The following IQCH variants were observed in gnomAD, a reference collection of about 807,000 sequenced individuals.
IQCH encodes the protein IQ motif containing H, also known as IQ domain-containing protein H.
Under a neutral mutation model 117.0 loss-of-function variants are expected in IQCH, and 98 were observed. The ratio of observed to expected loss-of-function variants is 0.84; its 90% CI spans 0.71 to 0.99. The LOEUF (loss-of-function observed/expected upper bound fraction) is 0.99. Ranked by LOEUF, IQCH falls within the 50% of genes least tolerant of loss-of-function variation. The pLI, the probability that IQCH is intolerant of heterozygous loss-of-function variation, is 0.00. For missense variants in IQCH, 1,102 were observed against 1,243.8 expected, an observed-to-expected ratio of 0.89 and a Z score of 1.72; for synonymous variants, 412 against 448.2, an observed-to-expected ratio of 0.92 and a Z score of 1.02.
intron 16 of IQCH, among the ~76,000 whole-genome samples, chr15:67,461,389 G>T (rs796646206): frequency 6.6e-6 from 1 of 152,162 alleles, no homozygotes; most frequent in African/African-American, 2.4e-5. Context: ...CTGGAATTGC[G>T]AATGCACCCT....
Position 67,391,985 on chromosome 15 carries a change from A to G in IQCH, c.1632+2979A>G, listed in dbSNP as rs957281895. On this transcript the variant is annotated intron_variant, in intron 12 of 20. Transcript: ENST00000335894. This position sits in a 1 kb window ranked among gnomAD's most constrained non-coding sequence, Gnocchi z 4.3. ...ATCTGCCATCCCCCTTCACATCTCA[A>G]AAACCCACCAGATCTTTACTACTCA... 6.6e-6 allele frequency among the ~76,000 whole-genome samples: 1 copy of G among 152,162 alleles called. No homozygotes were observed. Among genetic ancestry groups the G allele is most frequent in the African/African-American group, 2.4e-5 (1 of 41,440 alleles).
In IQCH at chr15:67,386,204, A is replaced by G. The variant is rs1478267050; in HGVS notation, c.1456+1185A>G. Among the ~76,000 whole-genome samples, 4 of 152,172 alleles carry G rather than the reference A, an allele frequency of 2.6e-5. No homozygotes were observed. The highest frequency in any genetic ancestry group is 5.9e-5 in the Non-Finnish European group (4 of 68,020). Reference sequence around the variant, plus strand: ...GCAGACTTTCCTCTAATTTATTTGAATTAATTTTTTTCTTCAGCTTTTTAT... The same window carrying G: ...GCAGACTTTCCTCTAATTTATTTGAGTTAATTTTTTTCTTCAGCTTTTTAT... On this transcript the variant is annotated intron_variant, in intron 11 of 20. Transcript: ENST00000335894. The surrounding 1 kb of genome is among the most constrained non-coding windows in gnomAD (Gnocchi z 5.0).
At position 67,426,840 on chromosome 15, in the gene IQCH, G is replaced by A. The variant is rs2081903960; in HGVS notation, c.2505+5263G>A. Among the ~76,000 whole-genome samples, 1 of 151,900 alleles carries A rather than the reference G, an allele frequency of 6.6e-6. No homozygotes were observed. The highest frequency in any genetic ancestry group is 2.4e-5 in the African/African-American group (1 of 41,364). ...AAAATTTTTAAAATAAACAAAATTAGCCAAGCATAATGGCACTCATCTGTG... is the reference window on the plus strand; with the variant it reads ...AAAATTTTTAAAATAAACAAAATTAACCAAGCATAATGGCACTCATCTGTG... On this transcript the variant is annotated intron_variant, in intron 16 of 20. Coordinates refer to ENST00000335894, the MANE Select transcript of IQCH (RefSeq NM_001031715.3). This position sits in a 1 kb window ranked among gnomAD's most constrained non-coding sequence, Gnocchi z 5.1.
At position 67,421,583 on chromosome 15, in the gene IQCH, T is replaced by C; in HGVS notation, c.2505+6T>C. 2 of 1,613,792 alleles carry C rather than the reference T, an allele frequency of 1.2e-6. No homozygotes were observed. On this transcript the variant is annotated splice_donor_region_variant and intron_variant, in intron 16 of 20. Transcript: ENST00000335894. ...CAAGCACCTTGGAACAACAGGTAAG[T>C]TGAATGGATGCCATACGAAATGCTA...
chr15:67,272,556 A>G (rs180791913), intron 3 of IQCH, among the ~76,000 whole-genome samples: 50 of 152,194 alleles, frequency 3.3e-4, no homozygotes, highest in Non-Finnish European at 2.1e-4. Flanking sequence ...GTTGCAATCT[A>G]TCTCTCTCTT....
chr15:67,402,121 TCA>T (rs750408495), intron 14 of IQCH, among the ~76,000 whole-genome samples: 7 of 152,248 alleles, frequency 4.6e-5, no homozygotes, highest in Non-Finnish European at 8.8e-5. Flanking sequence ...TATTTAAATT[TCA>T]GTTATTTTAA....
chr15:67,394,219 C>A (rs1971382794), intron 12 of IQCH, among the ~76,000 whole-genome samples: 1 of 152,184 alleles, frequency 6.6e-6, no homozygotes, highest in African/African-American at 2.4e-5. Context: ...TCAGAATTCA[C>A]CTCAACCCCA....
intron 14 of IQCH, among the ~76,000 whole-genome samples, chr15:67,409,442 G>C (rs1025126971): frequency 6.6e-6 from 1 of 152,134 alleles, no homozygotes; most frequent in African/African-American, 2.4e-5. Flanking sequence ...TTGTGGTCGG[G>C]GGCAAAGCAG....
In IQCH at chr15:67,490,185, A is replaced by C. The variant is rs953299042; in HGVS notation, c.2861+121A>C. 6 of 756,416 alleles carry C rather than the reference A, an allele frequency of 7.9e-6. No individual in the cohort carries two copies. Among genetic ancestry groups the C allele is most frequent in the Non-Finnish European group, 1.4e-5 (6 of 439,288 alleles). 46.9% of individuals were successfully genotyped at this position (756,416 alleles called of 1,614,324 possible). A position where few individuals can be genotyped will look rare whatever the true frequency, so the allele number is the denominator to read the frequency against. On this transcript the variant is annotated intron_variant, in intron 19 of 20. Transcript: ENST00000335894. This position sits in a 1 kb window ranked among gnomAD's most constrained non-coding sequence, Gnocchi z 4.9. Reference sequence around the variant, plus strand: ...GCTGATTTATTAGAAGTCTATCTTTATTTAGATCTTCAGGTATTTTATTTT... The same window carrying C: ...GCTGATTTATTAGAAGTCTATCTTTCTTTAGATCTTCAGGTATTTTATTTT...
chr15:67,486,140 C>T lies in IQCH; in HGVS notation c.2800-3863C>T, dbSNP rs565435494. 3.4e-5 allele frequency among the ~76,000 whole-genome samples: 5 copies of T among 147,674 alleles called. No individual in the cohort carries two copies. In the South Asian group the frequency reaches 1.1e-3, roughly 32 times the overall value. ...CCATCTGCCAAGTTCAAGCAATTCT[C>T]CTACCTCAGCCTCCTGAGTAGCTGG... is the stretch of plus-strand genomic sequence containing the variant. On this transcript the variant is annotated intron_variant, in intron 18 of 20. Coordinates refer to ENST00000335894, the MANE Select transcript of IQCH (RefSeq NM_001031715.3).
rs549001004 is a variant in IQCH, at chr15:67,405,739, A to C, written c.2097+5434A>C. On this transcript the variant is annotated intron_variant, in intron 14 of 20. Coordinates refer to ENST00000335894, the MANE Select transcript of IQCH (RefSeq NM_001031715.3). The surrounding 1 kb of genome is among the most constrained non-coding windows in gnomAD (Gnocchi z 4.8). ...AAGACCTTATTTGAAAGTCCTGGGA[A>C]GTGTTCTCCCTCAGGTCCTTGCCTT... The C allele has an allele frequency of 6.6e-6, 1 of 152,368 alleles. No individual in the cohort carries two copies. The highest frequency in any genetic ancestry group is 6.5e-5 in the Admixed American group (1 of 15,300). The allele number at this position is 152,368 out of a possible 1,614,324, so 9.4% of individuals were successfully genotyped here.
At chr15:67,452,275 A>G (rs1185169059) in intron 16 of IQCH, among the ~76,000 whole-genome samples, 1 of 152,124 alleles carries the variant, frequency 6.6e-6, no homozygotes, top group Non-Finnish European at 1.5e-5. Context: ...TTATGATGTT[A>G]GCTGGTTATT....
At chr15:67,261,219 T>C in intron 1 of IQCH, 53 bp from the exon 2 acceptor site, 2 of 1,281,968 alleles carry the variant, frequency 1.6e-6, no homozygotes, top group South Asian at 1.5e-5. Context: ...ATAACTGCTA[T>C]AGGTGGACTA....
chr15:67,455,392 C>A (rs574834938), intron 16 of IQCH, among the ~76,000 whole-genome samples: 1 of 152,292 alleles, frequency 6.6e-6, no homozygotes, highest in South Asian at 2.1e-4. Flanking sequence ...GAGCCGCATG[C>A]CTGGGGTTTG....
intron 16 of IQCH, among the ~76,000 whole-genome samples, chr15:67,448,755 G>C (rs1374125424): frequency 6.6e-6 from 1 of 152,118 alleles, no homozygotes; most frequent in East Asian, 1.9e-4. Flanking sequence ...TAATGGGATG[G>C]CTGGGTCAAA....
chr15:67,379,805 A>C (rs1032274005), intron 10 of IQCH, among the ~76,000 whole-genome samples: 1 of 152,142 alleles, frequency 6.6e-6, no homozygotes, highest in African/African-American at 2.4e-5. Context: ...CTCCCCAGTC[A>C]TGTGGAACTG....
rs1795074833 is a variant in IQCH at position 67,381,424 on chromosome 15, T to A, written c.1373-3512T>A. ...CTGCTTATTTGAGAAAAGACGGAAC[T>A]CTCTATCAAACTAGGAATATTTTGC... On this transcript the variant is annotated intron_variant, in intron 10 of 20. Transcript: ENST00000335894. The surrounding 1 kb of genome is among the most constrained non-coding windows in gnomAD (Gnocchi z 5.1). 6.6e-6 allele frequency among the ~76,000 whole-genome samples: 1 copy of A among 152,096 alleles called. No individual in the cohort carries two copies. The highest frequency in any genetic ancestry group is 1.5e-5 in the Non-Finnish European group (1 of 68,026).
chr15:67,262,994 C>T (rs148112520), intron 2 of IQCH, 128 bp from the exon 3 acceptor site: 20 of 656,966 alleles, frequency 3.0e-5, no homozygotes, highest in Non-Finnish European at 4.1e-5. Flanking sequence ...ACCTTAGGCA[C>T]GTAATAATAC....
Position 67,386,725 on chromosome 15 carries a change from T to G in IQCH, c.1456+1706T>G, listed in dbSNP as rs1010489317. On this transcript the variant is annotated intron_variant, in intron 11 of 20. Coordinates refer to ENST00000335894, the MANE Select transcript of IQCH (RefSeq NM_001031715.3). This position sits in a 1 kb window ranked among gnomAD's most constrained non-coding sequence, Gnocchi z 5.0. ...ATGGCTAGTATTTTCAGTTCCTAGA[T>G]GAGTTCAGCAAGGAAGTGACTGATT... Among the ~76,000 whole-genome samples, 3 of 152,132 alleles carry G rather than the reference T, an allele frequency of 2.0e-5. No homozygotes were observed. The highest frequency in any genetic ancestry group is 4.4e-5 in the Non-Finnish European group (3 of 68,026).
Sources: allele counts gnomAD v4.1 joint callset (sites outside exome capture counted in the v4.1 genomes callset), GRCh38; gene constraint gnomAD v4.1.1; non-coding constraint Gnocchi (gnomAD v3.1); transcripts MANE v1.5; gene names NCBI Gene and HGNC (gene_info 2026-07-23, HGNC 2026-07-21).